The following COL14A1 variants were observed in gnomAD, a reference collection of about 807,000 sequenced individuals.
The protein encoded by COL14A1 is collagen alpha-1(XIV) chain.
Under a neutral mutation model 230.3 loss-of-function variants are expected in COL14A1, and 136 were observed. The observed-to-expected ratio is 0.59, with a 90% CI of 0.51 to 0.68. COL14A1 has a LOEUF of 0.68. Among genes scored for constraint, COL14A1 ranks in the 30% least tolerant of loss-of-function variants. COL14A1 has a pLI of 0.00. For missense variants in COL14A1, 1,976 were observed against 2,215.8 expected (o/e 0.89, Z 2.17); for synonymous variants, 792 against 784.1 (o/e 1.01, Z -0.17).
chr8:120,227,373 A>G lies in COL14A1; in HGVS notation c.2137+21A>G, dbSNP rs1051916926. 8 of 1,612,586 alleles carry G rather than the reference A, an allele frequency of 5.0e-6. No individual in the cohort carries two copies. The African/African-American group carries it at 9.3e-5, about 19-fold the overall frequency. On this transcript the variant is annotated intron_variant, in intron 17 of 47. Coordinates refer to ENST00000297848, the MANE Select transcript of COL14A1 (RefSeq NM_021110.4). ...CACACGTAAGTCTTGGTCTGGCCAC[A>G]GTGCGTTTTAGCTGCTCCCACAATC...
chr8:120,303,366 G>C lies in COL14A1; in HGVS notation c.4401+2548G>C, dbSNP rs148017346. ...CTTTTGCCCATTCAGTATGATGTTG[G>C]CTGCAGGTTTGTCATATATGGCTCT... On this transcript the variant is annotated intron_variant, in intron 36 of 47. Coordinates refer to ENST00000297848, the MANE Select transcript of COL14A1 (RefSeq NM_021110.4). 7.0e-3 allele frequency among the ~76,000 whole-genome samples: 1,063 copies of C among 152,222 alleles called. 6 individuals carry two copies. The highest frequency in any genetic ancestry group is 0.023 in the South Asian group (109 of 4,824).
In COL14A1 at chr8:120,371,363, G is replaced by C. The variant is rs369896071; in HGVS notation, c.*132G>C. 2.3e-6 allele frequency: 1 copy of C among 444,362 alleles called. No homozygotes were observed. 27.5% of individuals were successfully genotyped at this position (444,362 alleles called of 1,614,324 possible). ...TTTCAGCAGCCTAAATCTCCTCCTT[G>C]GATAATGTTAATATTATTATTATTA... On this transcript the variant is annotated 3_prime_UTR_variant, in exon 48 of 48. Coordinates refer to ENST00000297848, the MANE Select transcript of COL14A1 (RefSeq NM_021110.4).
chr8:120,251,588 C>T (rs555571147), intron 22 of COL14A1, among the ~76,000 whole-genome samples: 1 of 152,304 alleles, frequency 6.6e-6, no homozygotes, highest in East Asian at 1.9e-4. Flanking sequence ...TTCCAAATTC[C>T]AGCACCTGTG....
chr8:120,319,237 G>A (rs866577305), intron 40 of COL14A1, among the ~76,000 whole-genome samples: 1 of 152,130 alleles, frequency 6.6e-6, no homozygotes. Context: ...ACTCACTGCA[G>A]CCTCAAACTC....
chr8:120,228,140 C>T (rs1818154565), intron 17 of COL14A1, among the ~76,000 whole-genome samples: 3 of 152,226 alleles, frequency 2.0e-5, no homozygotes, highest in South Asian at 4.2e-4. Context: ...TGACAGAGGC[C>T]ATGAACTCAG....
At chr8:120,179,819 C>T (rs1816404286) in intron 5 of COL14A1, among the ~76,000 whole-genome samples, 1 of 152,078 alleles carries the variant, frequency 6.6e-6, no homozygotes, top group African/African-American at 2.4e-5. Context: ...TCTACATTAA[C>T]CAAAAGAGCT....
intron 34 of COL14A1, among the ~76,000 whole-genome samples, chr8:120,290,611 C>A (rs2129964566): frequency 6.6e-6 from 1 of 152,254 alleles, no homozygotes; most frequent in East Asian, 1.9e-4. Flanking sequence ...GTAGAATTAG[C>A]CAGTTATACA....
chr8:120,279,820 C>T (rs1173177034), intron 28 of COL14A1, 115 bp from the exon 29 acceptor site: 1 of 1,059,118 alleles, frequency 9.4e-7, no homozygotes, highest in Non-Finnish European at 1.3e-6. Context: ...AATTATCCAC[C>T]CCCATGGGCC....
At chr8:120,242,214 A>G (rs1255898154) in intron 19 of COL14A1, among the ~76,000 whole-genome samples, 9 of 152,216 alleles carry the variant, frequency 5.9e-5, no homozygotes, top group African/African-American at 2.2e-4. Context: ...GGTCTCAAGC[A>G]TTTCTGATAA....
At chr8:120,290,164 A>C (rs932047101) in intron 34 of COL14A1, among the ~76,000 whole-genome samples, 3 of 152,198 alleles carry the variant, frequency 2.0e-5, no homozygotes, top group African/African-American at 7.2e-5. Flanking sequence ...AATCCACACA[A>C]AATTAGTGAA....
intron 15 of COL14A1, among the ~76,000 whole-genome samples, chr8:120,226,042 C>A (rs903626681): frequency 7.3e-5 from 11 of 149,878 alleles, no homozygotes; most frequent in Admixed American, 6.6e-4. Flanking sequence ...AAAATCAATT[C>A]TTTGATAATT....
intron 36 of COL14A1, 61 bp from the exon 37 acceptor site, chr8:120,309,948 T>A (rs373150741): frequency 5.4e-5 from 82 of 1,514,034 alleles, no homozygotes; most frequent in Non-Finnish European, 7.3e-5. Context: ...TTAAGGAAAA[T>A]GAATGAAATA....
chr8:120,151,773 T>A (rs1815293630), intron 2 of COL14A1, among the ~76,000 whole-genome samples: 1 of 152,060 alleles, frequency 6.6e-6, no homozygotes, highest in South Asian at 2.1e-4. Context: ...CAGATTGAAT[T>A]GTTTGTTAAT....
chr8:120,283,008 T>C (rs1820085984), intron 31 of COL14A1, among the ~76,000 whole-genome samples: 1 of 152,098 alleles, frequency 6.6e-6, no homozygotes, highest in Non-Finnish European at 1.5e-5. Context: ...ACTTCCTCAA[T>C]GACCAGTCAT....
chr8:120,368,624 C>T (rs1282836251), intron 46 of COL14A1, among the ~76,000 whole-genome samples: 3 of 132,710 alleles, frequency 2.3e-5, no homozygotes, highest in African/African-American at 8.4e-5. Flanking sequence ...AAAAAAAAAA[C>T]ATGCTGACAA....
chr8:120,301,520 C>CA (rs1029944548), intron 36 of COL14A1, among the ~76,000 whole-genome samples: 13 of 152,126 alleles, frequency 8.5e-5, no homozygotes, highest in African/African-American at 3.1e-4. Flanking sequence ...CATGTTCCCA[C>CA]AAAAGACATG....
At chr8:120,143,253 A>G (rs1213482271) in intron 1 of COL14A1, among the ~76,000 whole-genome samples, 1 of 152,202 alleles carries the variant, frequency 6.6e-6, no homozygotes, top group Non-Finnish European at 1.5e-5. Context: ...GTTTCAAAGA[A>G]CAGACTAGTG....
intron 17 of COL14A1, 36 bp from the exon 18 acceptor site, chr8:120,228,673 GT>G: frequency 6.4e-7 from 1 of 1,553,338 alleles, no homozygotes; most frequent in Non-Finnish European, 8.9e-7. Context: ...ATGGACAGTT[GT>G]TTTTGCAGCA....
At chr8:120,359,188 C>T (rs1823098476) in intron 45 of COL14A1, among the ~76,000 whole-genome samples, 1 of 152,052 alleles carries the variant, frequency 6.6e-6, no homozygotes, top group African/African-American at 2.4e-5. Flanking sequence ...TTAATCCCCG[C>T]ATGCATTAGA....
Sources: gnomAD v4.1 joint callset for allele counts (sites outside exome capture counted in the v4.1 genomes callset) on GRCh38, gnomAD v4.1.1 for gene constraint, MANE v1.5 for transcripts, NCBI Gene and HGNC (gene_info 2026-07-23, HGNC 2026-07-21) for gene names.